Variants in ITGA3 observed in about 807,000 individuals in gnomAD.
ITGA3 encodes the protein integrin subunit alpha 3.
Under a neutral mutation model 131.1 loss-of-function variants are expected in ITGA3, and 70 were observed. That is an observed-to-expected ratio of 0.53 (90% confidence interval 0.44 to 0.65). ITGA3 has a LOEUF of 0.65. Among genes scored for constraint, ITGA3 ranks in the 30% least tolerant of loss-of-function variants. The pLI, the probability that ITGA3 is intolerant of heterozygous loss-of-function variation, is 0.00. For missense variants in ITGA3, 1,098 were observed against 1,388.6 expected (o/e 0.79, Z 3.33); for synonymous variants, 537 against 571.6 (o/e 0.94, Z 0.86).
rs1294657612 is a variant in ITGA3, at chr17:50,064,802, C to G, written c.414+195C>G. 3.7e-6 allele frequency: 2 copies of G among 541,656 alleles called. No homozygotes were observed. Among genetic ancestry groups the G allele is most frequent in the African/African-American group, 1.9e-5 (1 of 51,342 alleles). The allele number at this position is 541,656 out of a possible 1,614,324, so 33.6% of individuals were successfully genotyped here. A position where few individuals can be genotyped will look rare whatever the true frequency, so the allele number is the denominator to read the frequency against. On this transcript the variant is annotated intron_variant, in intron 3 of 25. Coordinates refer to ENST00000320031, the MANE Select transcript of ITGA3 (RefSeq NM_002204.4). This position sits in a 1 kb window ranked among gnomAD's most constrained non-coding sequence, Gnocchi z 4.4. ...GGAGGGGGTGAGTATCCTGTGCTCT[C>G]CCAAACCCCCGCACGGCCTGAGTTC... is the stretch of plus-strand genomic sequence containing the variant.
chr17:50,079,191 A>G lies in ITGA3; in HGVS notation c.2516A>G (p.His839Arg), dbSNP rs1909066270. Residue 839 changes from histidine to arginine, a missense_variant, in exon 20 of 26, where the codon CAT (histidine) becomes CGT (arginine). Physicochemically the swap from His to Arg is conservative, Grantham distance 29. This residue lies in a region of ITGA3 where 699 missense variants were observed against 829.2 expected (regional missense o/e 0.84). Coordinates refer to ENST00000320031, the MANE Select transcript of ITGA3 (RefSeq NM_002204.4). ...CTGTATCCCACGGAGATCACCGTCC[A>G]TGGCAATGGGTCCTGGCCCTGCCGA... ...WLLYPTEITVHGNGSWPCRPP... is the reference protein window; with the variant it reads ...WLLYPTEITVRGNGSWPCRPP... The G allele has an allele frequency of 2.5e-6, 4 of 1,613,862 alleles. No individual in the cohort carries two copies. The African/African-American group carries it at 4.0e-5, about 16-fold the overall frequency.
chr17:50,064,692 A>AG lies in ITGA3; in HGVS notation c.414+91dup. On this transcript the variant is annotated intron_variant, in intron 3 of 25. Transcript: ENST00000320031. The surrounding 1 kb of genome is among the most constrained non-coding windows in gnomAD (Gnocchi z 4.4). ...AGCTGGGAGGAAAGAAGAGGGCAGC[A>AG]GGGGGGTCCACGGCGCGTGTGTGCT... 15 of 1,177,996 alleles carry AG rather than the reference A, an allele frequency of 1.3e-5. No homozygotes were observed. The South Asian group carries it at 1.7e-4, about 13-fold the overall frequency. 73.0% of individuals were successfully genotyped at this position (1,177,996 alleles called of 1,614,324 possible).
At position 50,074,031 on chromosome 17, in the gene ITGA3, T is replaced by C. The variant is rs1042313983; in HGVS notation, c.1245+27T>C. 3 of 1,577,398 alleles carry C rather than the reference T, an allele frequency of 1.9e-6. No individual in the cohort carries two copies. In the African/African-American group the frequency reaches 4.0e-5, roughly 21 times the overall value. ...TACAGAGAGACGGGGATGGGTCTGC[T>C]GCCCCCACCAGCCGAGATGGGCCTT... On this transcript the variant is annotated intron_variant, in intron 8 of 25. Transcript: ENST00000320031.
In ITGA3 at chr17:50,064,653, C is replaced by T. The variant is rs1320991800; in HGVS notation, c.414+46C>T. On this transcript the variant is annotated intron_variant, in intron 3 of 25. Coordinates refer to ENST00000320031, the MANE Select transcript of ITGA3 (RefSeq NM_002204.4). This position sits in a 1 kb window ranked among gnomAD's most constrained non-coding sequence, Gnocchi z 4.4. ...GGCTCCTCCACCTCTACCCGGCTCT[C>T]CCCTCATCTCCAGAGCTGGGAGGAA... 6.6e-7 allele frequency: 1 copy of T among 1,510,670 alleles called. No individual in the cohort carries two copies. The highest frequency in any genetic ancestry group is 2.3e-5 in the East Asian group (1 of 43,952). The allele number at this position is 1,510,670 out of a possible 1,614,324, so 93.6% of individuals were successfully genotyped here.
At chr17:50,077,765 G>T (rs1213169890) in intron 16 of ITGA3, among the ~76,000 whole-genome samples, 1 of 152,292 alleles carries the variant, frequency 6.6e-6, no homozygotes, top group Admixed American at 6.5e-5. Flanking sequence ...CTTCTGAGGA[G>T]GTAGATGCTC....
At chr17:50,083,398 T>G (rs1470823028) in intron 23 of ITGA3, among the ~76,000 whole-genome samples, 1 of 151,988 alleles carries the variant, frequency 6.6e-6, no homozygotes, top group East Asian at 1.9e-4. Context: ...CTATGAAAAT[T>G]TAAATCTGTA....
At position 50,089,479 on chromosome 17, in the gene ITGA3, A is replaced by G. The variant is rs1024026641; in HGVS notation, c.*401A>G. 6.9e-6 allele frequency: 4 copies of G among 577,766 alleles called. No individual in the cohort carries two copies. Among genetic ancestry groups the G allele is most frequent in the African/African-American group, 5.6e-5 (3 of 53,474 alleles). 35.8% of individuals were successfully genotyped at this position (577,766 alleles called of 1,614,324 possible). A position where few individuals can be genotyped will look rare whatever the true frequency, so the allele number is the denominator to read the frequency against. ...CTGTGGACCTTACAACGCCGAGTGC[A>G]CTGCATTCCTGTGCCCTAGATGCAC... On this transcript the variant is annotated 3_prime_UTR_variant, in exon 26 of 26. Coordinates refer to ENST00000320031, the MANE Select transcript of ITGA3 (RefSeq NM_002204.4).
intron 3 of ITGA3, among the ~76,000 whole-genome samples, chr17:50,067,728 G>T (rs1051624239): frequency 2.6e-5 from 4 of 152,174 alleles, no homozygotes; most frequent in Admixed American, 6.5e-5. Context: ...AGAGCAGCAA[G>T]TCCCTTAATC....
At chr17:50,076,730 C>T (rs111228353) in intron 14 of ITGA3, 49 bp downstream of exon 14, 3 of 1,486,494 alleles carry the variant, frequency 2.0e-6, no homozygotes, top group East Asian at 2.3e-5. Context: ...TGGGACGGGG[C>T]CTCATTAACT....
At position 50,056,704 on chromosome 17, in the gene ITGA3, G is replaced by A. The variant is rs1598176702; in HGVS notation, c.206+59G>A. 2 of 1,514,640 alleles carry A rather than the reference G, an allele frequency of 1.3e-6. No individual in the cohort carries two copies. The highest frequency in any genetic ancestry group is 2.2e-4 in the Middle Eastern group (1 of 4,574). 93.8% of individuals were successfully genotyped at this position (1,514,640 alleles called of 1,614,324 possible). On this transcript the variant is annotated intron_variant, in intron 1 of 25. Transcript: ENST00000320031. This position sits in a 1 kb window ranked among gnomAD's most constrained non-coding sequence, Gnocchi z 5.6. ...AGAGAGTGTGCGAGCGCGGGATGCG[G>A]GTCCGGAGCTGAGTCGGAGCCCAGG...
intron 23 of ITGA3, chr17:50,086,688 CAAAAAAAAA>C (rs35353322): frequency 1.1e-5 from 1 of 89,098 alleles, no homozygotes; most frequent in Non-Finnish European, 2.0e-5. Flanking sequence ...AACTCCATCT[CAAAAAAAAA>C]AAAAAAAAAA....
At chr17:50,074,041 A>G (rs549725925) in intron 8 of ITGA3, 37 bp downstream of exon 8, 35 of 1,563,794 alleles carry the variant, frequency 2.2e-5, no homozygotes, top group Middle Eastern at 1.7e-4. Flanking sequence ...TGCCCCCACC[A>G]GCCGAGATGG....
intron 10 of ITGA3, 97 bp downstream of exon 10, chr17:50,074,631 C>T: frequency 2.4e-6 from 2 of 831,040 alleles, no homozygotes; most frequent in Non-Finnish European, 3.9e-6. Flanking sequence ...TGACATCCCA[C>T]CTTTAGAAAT....
At chr17:50,060,739 G>C (rs1451660190) in intron 1 of ITGA3, among the ~76,000 whole-genome samples, 1 of 152,100 alleles carries the variant, frequency 6.6e-6, no homozygotes, top group African/African-American at 2.4e-5. Context: ...CTTGCTCTAA[G>C]AGCTCCATCT....
chr17:50,074,354 A>G lies in ITGA3; in HGVS notation c.1382+74A>G, dbSNP rs186943165. 513 of 1,602,424 alleles carry G rather than the reference A, an allele frequency of 3.2e-4. 1 individual carries two copies. Among genetic ancestry groups the G allele is most frequent in the South Asian group, 5.1e-4 (46 of 89,454 alleles). ...TCTGCACAGATTCCCATCTGTGTCC[A>G]TGTTTGCGCTAGCTCCTTGGAAGCC... On this transcript the variant is annotated intron_variant, in intron 9 of 25. Coordinates refer to ENST00000320031, the MANE Select transcript of ITGA3 (RefSeq NM_002204.4).
At position 50,068,503 on chromosome 17, in the gene ITGA3, T is replaced by G. The variant is rs1300196839; in HGVS notation, c.664+198T>G. Among the ~76,000 whole-genome samples, 9 of 152,106 alleles carry G rather than the reference T, an allele frequency of 5.9e-5. 1 individual carries two copies. Among genetic ancestry groups the G allele is most frequent in the Admixed American group, 5.9e-4 (9 of 15,268 alleles). ...TTACGCATATTATGTCAATCAATCT[T>G]TTTTGTTGTTTTTTTGACATAGGGT... On this transcript the variant is annotated intron_variant, in intron 4 of 25. Transcript: ENST00000320031.
Position 50,056,630 on chromosome 17 carries a change from G to A in ITGA3, c.191G>A (p.Arg64Gln). The A allele has an allele frequency of 6.2e-7, 1 of 1,601,896 alleles. No individual in the cohort carries two copies. The highest frequency in any genetic ancestry group is 2.3e-5 in the East Asian group (1 of 44,236). Residue 64 changes from arginine (R) to glutamine (Q), a missense_variant, in exon 1 of 26, where the codon CGG (arginine) becomes CAG (glutamine). Around this residue, in one of 3 missense-constraint regions of ITGA3, gnomAD observed 356 missense variants for 529.2 expected, o/e 0.67. Coordinates refer to ENST00000320031, the MANE Select transcript of ITGA3 (RefSeq NM_002204.4). This position sits in a 1 kb window ranked among gnomAD's most constrained non-coding sequence, Gnocchi z 5.6. Reference protein sequence around the residue: ...YSVALHRQTERQQRYLLLAGA... With the variant: ...YSVALHRQTEQQQRYLLLAGA... ...GTCGCCCTCCATCGGCAGACAGAGC[G>A]GCAGCAGCGCTACCTGTAAGTGAAG... is the stretch of plus-strand genomic sequence containing the variant.
At chr17:50,063,716 T>C (rs962575642) in intron 1 of ITGA3, 4 of 253,308 alleles carry the variant, frequency 1.6e-5, no homozygotes, top group African/African-American at 6.8e-5. Flanking sequence ...CTGCTGGCTC[T>C]TGCTTCCTGG....
rs1027378251 is a variant in ITGA3, at chr17:50,070,552, A to G, written c.665-292A>G. Among the ~76,000 whole-genome samples the G allele has an allele frequency of 2.0e-4, 29 of 145,216 alleles. 1 individual carries two copies. Among genetic ancestry groups the G allele is most frequent in the Admixed American group, 1.5e-3 (21 of 13,962 alleles). On this transcript the variant is annotated intron_variant, in intron 4 of 25. Coordinates refer to ENST00000320031, the MANE Select transcript of ITGA3 (RefSeq NM_002204.4). Reference sequence around the variant, plus strand: ...TCCCAGCTACTCGGGAGGCTGAGGCAGGAGAATCGCTTGAACCCAGGAAGC... The same window carrying G: ...TCCCAGCTACTCGGGAGGCTGAGGCGGGAGAATCGCTTGAACCCAGGAAGC...
Sources: allele counts gnomAD v4.1 joint callset (sites outside exome capture counted in the v4.1 genomes callset), GRCh38; gene constraint gnomAD v4.1.1; regional missense constraint gnomAD v4.1.1; non-coding constraint Gnocchi (gnomAD v3.1); transcripts MANE v1.5; gene names NCBI Gene and HGNC (gene_info 2026-07-23, HGNC 2026-07-21).